Variants in LMCD1 observed in about 807,000 individuals in gnomAD.
The protein encoded by LMCD1 is LIM and cysteine rich domains 1.
Under a neutral mutation model 42.7 loss-of-function variants are expected in LMCD1, and 32 were observed. The observed-to-expected ratio is 0.75, with a 90% CI of 0.57 to 1.01. The LOEUF (loss-of-function observed/expected upper bound fraction) is 1.01. Ranked by LOEUF, LMCD1 falls within the 50% of genes least tolerant of loss-of-function variation. The probability of loss-of-function intolerance (pLI) is 0.00; values close to 1 mark genes in which losing one functional copy is unlikely to be tolerated. For missense variants in LMCD1, 458 were observed against 483.1 expected, an observed-to-expected ratio of 0.95 and a Z score of 0.49; for synonymous variants, 178 against 184.9, an observed-to-expected ratio of 0.96 and a Z score of 0.30.
At chr3:8,512,273 A>G (rs975072409) in intron 1 of LMCD1, among the ~76,000 whole-genome samples, 3 of 152,236 alleles carry the variant, frequency 2.0e-5, no homozygotes, top group Non-Finnish European at 2.9e-5. Context: ...AATTTCTTTC[A>G]CACAGTTCTT....
intron 3 of LMCD1, among the ~76,000 whole-genome samples, chr3:8,544,340 A>C (rs1338722871): frequency 6.6e-6 from 1 of 152,160 alleles, no homozygotes; most frequent in Non-Finnish European, 1.5e-5. Flanking sequence ...TCCACCACCC[A>C]GGTCTTCTCT....
chr3:8,527,741 A>T (rs189634850), intron 1 of LMCD1, among the ~76,000 whole-genome samples: 23 of 152,360 alleles, frequency 1.5e-4, no homozygotes, highest in African/African-American at 2.4e-4. Flanking sequence ...ACCTGTGAGT[A>T]ATCATTAGGG....
chr3:8,553,375 A>G (rs2125034885), intron 4 of LMCD1, among the ~76,000 whole-genome samples: 1 of 152,354 alleles, frequency 6.6e-6, no homozygotes, highest in South Asian at 2.1e-4. Context: ...CTCATTGGAA[A>G]AAAATGTCCA....
intron 4 of LMCD1, among the ~76,000 whole-genome samples, chr3:8,558,844 C>T (rs909611996): frequency 2.6e-5 from 4 of 152,150 alleles, no homozygotes; most frequent in African/African-American, 9.7e-5. Flanking sequence ...TCTATAACAG[C>T]GGTTCTCAAA....
chr3:8,501,991 A>G lies in LMCD1; in HGVS notation c.42+11A>G, dbSNP rs762821622. On this transcript the variant is annotated intron_variant, in intron 1 of 5. Transcript: ENST00000157600. ...CCAGGAGTTAAAAAGGTGAGTGGAAAGCTGTTTGTATTTACCCAGATTCTT... is the reference window on the plus strand; with the variant it reads ...CCAGGAGTTAAAAAGGTGAGTGGAAGGCTGTTTGTATTTACCCAGATTCTT... The G allele has an allele frequency of 1.5e-5, 24 of 1,584,454 alleles. No homozygotes were observed. The highest frequency in any genetic ancestry group is 1.5e-4 in the South Asian group (13 of 87,692).
At chr3:8,554,354 G>T (rs1295836702) in intron 4 of LMCD1, among the ~76,000 whole-genome samples, 2 of 152,128 alleles carry the variant, frequency 1.3e-5, no homozygotes, top group Admixed American at 1.3e-4. Context: ...GCCGTGTTGG[G>T]GTGGGGCCTC....
At chr3:8,563,349 G>A (rs181209501) in intron 4 of LMCD1, among the ~76,000 whole-genome samples, 6 of 152,284 alleles carry the variant, frequency 3.9e-5, no homozygotes, top group African/African-American at 1.4e-4. Context: ...AAACAGGAAC[G>A]GGAACAATGT....
intron 1 of LMCD1, among the ~76,000 whole-genome samples, chr3:8,526,606 T>C (rs1430062407): frequency 6.6e-6 from 1 of 152,196 alleles, no homozygotes; most frequent in Admixed American, 6.5e-5. Flanking sequence ...TGAACAGCGA[T>C]GTCTGGGCCC....
chr3:8,518,929 G>A (rs996561038), intron 1 of LMCD1, among the ~76,000 whole-genome samples: 1 of 152,150 alleles, frequency 6.6e-6, no homozygotes, highest in Non-Finnish European at 1.5e-5. Flanking sequence ...ATCCTCAGAT[G>A]CAGGATATCT....
At chr3:8,540,035 A>G (rs1387586658) in intron 3 of LMCD1, among the ~76,000 whole-genome samples, 1 of 149,964 alleles carries the variant, frequency 6.7e-6, no homozygotes, top group East Asian at 2.0e-4. Context: ...AAGTGTTCTT[A>G]TTGTTCAATG....
intron 1 of LMCD1, among the ~76,000 whole-genome samples, chr3:8,503,085 G>A (rs1363321175): frequency 6.6e-6 from 1 of 152,198 alleles, no homozygotes; most frequent in African/African-American, 2.4e-5. Flanking sequence ...TGGTAGCAGG[G>A]ATACTGACAC....
At chr3:8,503,859 T>C (rs1035308824) in intron 1 of LMCD1, among the ~76,000 whole-genome samples, 2 of 152,226 alleles carry the variant, frequency 1.3e-5, no homozygotes, top group African/African-American at 4.8e-5. Flanking sequence ...GGTTGATAGT[T>C]ACTGTATGAG....
At chr3:8,529,458 C>A (rs896346043) in intron 1 of LMCD1, among the ~76,000 whole-genome samples, 1 of 114,260 alleles carries the variant, frequency 8.8e-6, no homozygotes, top group Non-Finnish European at 2.0e-5. Flanking sequence ...AGCGTTCTTG[C>A]CCAACTAGGC....
intron 3 of LMCD1, among the ~76,000 whole-genome samples, chr3:8,542,780 G>T (rs1314344192): frequency 6.6e-6 from 1 of 152,208 alleles, no homozygotes; most frequent in East Asian, 1.9e-4. Flanking sequence ...CCTTGGGGAG[G>T]TTACTTAACT....
At chr3:8,511,818 G>C (rs565401661) in intron 1 of LMCD1, among the ~76,000 whole-genome samples, 2 of 152,308 alleles carry the variant, frequency 1.3e-5, no homozygotes, top group Admixed American at 1.3e-4. Flanking sequence ...TGGGGTGGCA[G>C]GATAGCAAGG....
chr3:8,554,508 G>C (rs1694896972), intron 4 of LMCD1, among the ~76,000 whole-genome samples: 1 of 152,152 alleles, frequency 6.6e-6, no homozygotes, highest in African/African-American at 2.4e-5. Context: ...ACAATGAAAG[G>C]ATTCCCATGT....
chr3:8,553,951 G>T (rs1249397055), intron 4 of LMCD1, among the ~76,000 whole-genome samples: 1 of 152,188 alleles, frequency 6.6e-6, no homozygotes, highest in Non-Finnish European at 1.5e-5. Context: ...CATTGTGCGG[G>T]GATGGAGGGT....
At chr3:8,535,255 C>G (rs752623210) in intron 2 of LMCD1, among the ~76,000 whole-genome samples, 1 of 152,146 alleles carries the variant, frequency 6.6e-6, no homozygotes, top group African/African-American at 2.4e-5. Context: ...AATGGATAAG[C>G]AAGAGAATAT....
At chr3:8,528,223 C>CG (rs1694335940) in intron 1 of LMCD1, among the ~76,000 whole-genome samples, 1 of 151,950 alleles carries the variant, frequency 6.6e-6, no homozygotes, top group South Asian at 2.1e-4. Flanking sequence ...TCTAGGGGGC[C>CG]GGGGGGACAG....
Sources: allele counts gnomAD v4.1 joint callset (sites outside exome capture counted in the v4.1 genomes callset), GRCh38; gene constraint gnomAD v4.1.1; transcripts MANE v1.5; gene names NCBI Gene and HGNC (gene_info 2026-07-23, HGNC 2026-07-21).